Variants in ERBIN observed in about 807,000 individuals in gnomAD.
ERBIN encodes the protein erbb2 interacting protein, also known as densin-180-like protein.
A neutral mutation model predicts 158.4 loss-of-function variants in ERBIN; 60 were observed. The observed-to-expected ratio is 0.38, with a 90% CI of 0.31 to 0.47. The LOEUF (loss-of-function observed/expected upper bound fraction) is 0.47. ERBIN is among the 20% of genes least tolerant of loss of function. The pLI is 0.99. For synonymous variants in ERBIN, 594 were observed against 557.2 expected (o/e 1.07, Z -0.93); for missense variants, 1,610 against 1,648.0 (o/e 0.98, Z 0.40).
intron 8 of ERBIN, 125 bp from the exon 9 acceptor site, chr5:66,023,165 C>T (rs1755875469): frequency 2.9e-6 from 2 of 695,736 alleles, no homozygotes; most frequent in South Asian, 3.6e-5. Context: ...TTCCTTCTCC[C>T]TGCTCCTTTT....
chr5:65,941,529 C>T (rs1013983981), intron 1 of ERBIN, among the ~76,000 whole-genome samples: 1 of 151,986 alleles, frequency 6.6e-6, no homozygotes, highest in Non-Finnish European at 1.5e-5. Context: ...TGGAACTAAT[C>T]CCCCATAGAT....
intron 1 of ERBIN, among the ~76,000 whole-genome samples, chr5:65,963,654 A>C (rs1332544447): frequency 6.6e-6 from 1 of 152,198 alleles, no homozygotes; most frequent in East Asian, 1.9e-4. Flanking sequence ...TCTTAGGGAA[A>C]ATAAATGAGA....
At chr5:65,964,916 G>GTGTGTGTGTGTGTT (rs1419919542) in intron 1 of ERBIN, among the ~76,000 whole-genome samples, 8 of 18,682 alleles carry the variant, frequency 4.3e-4, no homozygotes, top group African/African-American at 7.2e-4. Context: ...ATTTGTGTGT[G>GTGTGTGTGTGTGTT]TGTGTGTGTG....
Position 66,018,485 on chromosome 5 carries a change from T to TA in ERBIN, c.534-2836dup, listed in dbSNP as rs72350893. Among the ~76,000 whole-genome samples, 71 of 8,182 alleles carry TA rather than the reference T, an allele frequency of 8.7e-3. 12 individuals are homozygous for TA. The highest frequency in any genetic ancestry group is 0.047 in the African/African-American group (58 of 1,246). The allele number at this position is 8,182 out of a possible 152,430, so 5.4% of individuals were successfully genotyped here. ...TATATAATATATATTATATATTATA[T>TA]ATTATATTATATAATATATATTATA... is the stretch of plus-strand genomic sequence containing the variant. On this transcript the variant is annotated intron_variant, in intron 7 of 25. Coordinates refer to ENST00000284037, the MANE Select transcript of ERBIN (RefSeq NM_001253697.2).
chr5:66,072,324 G>T (rs1482200498), intron 22 of ERBIN, 33 bp downstream of exon 22: 1 of 1,545,888 alleles, frequency 6.5e-7, no homozygotes, highest in African/African-American at 1.4e-5. Flanking sequence ...TGTAGTATCT[G>T]TGAGCTTTCT....
chr5:65,962,305 G>C (rs1223897610), intron 1 of ERBIN, among the ~76,000 whole-genome samples: 2 of 151,964 alleles, frequency 1.3e-5, no homozygotes, highest in African/African-American at 2.4e-5. Flanking sequence ...AAATTTTATT[G>C]GGAAATTGGA....
intron 1 of ERBIN, among the ~76,000 whole-genome samples, chr5:65,929,687 C>T (rs1743128296): frequency 7.1e-6 from 1 of 141,022 alleles, no homozygotes; most frequent in Admixed American, 7.5e-5. Flanking sequence ...GTTGCCTAGG[C>T]TGGAGTGCAG....
At chr5:66,006,521 A>T (rs931126872) in intron 4 of ERBIN, among the ~76,000 whole-genome samples, 2 of 152,200 alleles carry the variant, frequency 1.3e-5, no homozygotes, top group Non-Finnish European at 2.9e-5. Flanking sequence ...AGCAATGACA[A>T]CAAAAGCCAA....
intron 5 of ERBIN, among the ~76,000 whole-genome samples, chr5:66,012,813 A>T (rs544184354): frequency 5.3e-5 from 8 of 152,368 alleles, no homozygotes; most frequent in Non-Finnish European, 1.2e-4. Context: ...TCAACAAAAA[A>T]TAGAAGTAAA....
chr5:65,966,014 C>G (rs1288508547), intron 1 of ERBIN, among the ~76,000 whole-genome samples: 2 of 152,158 alleles, frequency 1.3e-5, no homozygotes, highest in African/African-American at 4.8e-5. Flanking sequence ...TAGGCTTTTT[C>G]TGTATATGTT....
At position 65,947,874 on chromosome 5, in the gene ERBIN, G is replaced by A. The variant is rs1007981358; in HGVS notation, c.-58+21068G>A. On this transcript the variant is annotated intron_variant, in intron 1 of 25. Coordinates refer to ENST00000284037, the MANE Select transcript of ERBIN (RefSeq NM_001253697.2). ...ATACAAAAATTAGCCAGGCATGGTG[G>A]CAGGTGCCTGTAATCCCAGCTACTC... Among the ~76,000 whole-genome samples, 14 of 152,038 alleles carry A rather than the reference G, an allele frequency of 9.2e-5. 1 individual carries two copies. Among genetic ancestry groups the A allele is most frequent in the African/African-American group, 3.4e-4 (14 of 41,392 alleles).
intron 1 of ERBIN, among the ~76,000 whole-genome samples, chr5:65,970,257 A>G (rs1749098944): frequency 6.6e-6 from 1 of 152,240 alleles, no homozygotes; most frequent in Non-Finnish European, 1.5e-5. Context: ...TTAGCTCTGC[A>G]TTGCTAACTG....
intron 21 of ERBIN, among the ~76,000 whole-genome samples, chr5:66,061,710 C>T (rs1470618609): frequency 6.6e-6 from 1 of 152,176 alleles, no homozygotes; most frequent in Non-Finnish European, 1.5e-5. Flanking sequence ...TTTAGTGCTT[C>T]CTTCAGGAGC....
chr5:66,051,766 G>A (rs1397218001), intron 20 of ERBIN, among the ~76,000 whole-genome samples: 1 of 151,774 alleles, frequency 6.6e-6, no homozygotes, highest in Non-Finnish European at 1.5e-5. Context: ...GTGGTGGCAT[G>A]TGCCTGTAGT....
intron 21 of ERBIN, among the ~76,000 whole-genome samples, chr5:66,063,251 C>T (rs957686224): frequency 6.6e-6 from 1 of 152,314 alleles, no homozygotes; most frequent in Admixed American, 6.5e-5. Flanking sequence ...GGGTGCCCCT[C>T]CCCCAGCCTC....
chr5:66,046,164 T>A (rs552067217), intron 17 of ERBIN, among the ~76,000 whole-genome samples, 189 bp from the exon 18 acceptor site: 1 of 152,310 alleles, frequency 6.6e-6, no homozygotes, highest in South Asian at 2.1e-4. Context: ...TCATGGATCT[T>A]TGGGGGCCAC....
intron 1 of ERBIN, among the ~76,000 whole-genome samples, chr5:65,940,755 G>A (rs1291431257): frequency 6.7e-6 from 1 of 149,346 alleles, no homozygotes; most frequent in Admixed American, 6.6e-5. Flanking sequence ...GCCTCTGCCC[G>A]GCCGCCCCTA....
intron 14 of ERBIN, among the ~76,000 whole-genome samples, chr5:66,033,514 A>G (rs1757101128): frequency 6.6e-6 from 1 of 152,196 alleles, no homozygotes; most frequent in Non-Finnish European, 1.5e-5. Context: ...GAAGTTGTTA[A>G]TAGGATAAAT....
chr5:66,066,545 CTG>C (rs1761024700), intron 21 of ERBIN, among the ~76,000 whole-genome samples: 1 of 149,246 alleles, frequency 6.7e-6, no homozygotes, highest in Non-Finnish European at 1.5e-5. Context: ...ACAAAAAAAA[CTG>C]TACCTGGAAT....
Sources: allele counts gnomAD v4.1 joint callset (sites outside exome capture counted in the v4.1 genomes callset), GRCh38; gene constraint gnomAD v4.1.1; transcripts MANE v1.5; gene names NCBI Gene and HGNC (gene_info 2026-07-23, HGNC 2026-07-21).